Variants in FKBP5 observed in about 807,000 individuals in gnomAD.
The protein encoded by FKBP5 is peptidyl-prolyl cis-trans isomerase FKBP5.
A neutral mutation model predicts 50.5 loss-of-function variants in FKBP5; 23 were observed. That is an observed-to-expected ratio of 0.46 (90% CI 0.33 to 0.65). The LOEUF (loss-of-function observed/expected upper bound fraction) is 0.65. Among genes scored for constraint, FKBP5 ranks in the 30% least tolerant of loss-of-function variants. The pLI, the probability that FKBP5 is intolerant of heterozygous loss-of-function variation, is 0.02. For synonymous variants in FKBP5, 176 were observed against 190.6 expected (o/e 0.92, Z 0.63); for missense variants, 411 against 553.1 (o/e 0.74, Z 2.58).
chr6:35,597,476 G>T, intron 5 of FKBP5, 72 bp from the exon 6 acceptor site: 1 of 1,508,336 alleles, frequency 6.6e-7, no homozygotes, highest in Non-Finnish European at 8.9e-7. Context: ...AGTGATAAAT[G>T]AGTGGTCGAC....
At chr6:35,637,408 C>T (rs1300520894) in intron 2 of FKBP5, among the ~76,000 whole-genome samples, 2 of 151,570 alleles carry the variant, frequency 1.3e-5, no homozygotes, top group Non-Finnish European at 2.9e-5. Context: ...AAGAATTAAC[C>T]AATAAATCCT....
At chr6:35,642,880 T>A in intron 1 of FKBP5, 37 bp from the exon 2 acceptor site, 6 of 1,470,548 alleles carry the variant, frequency 4.1e-6, no homozygotes, top group South Asian at 2.3e-5. Context: ...GGGAAAAATA[T>A]CACTTCTTTA....
At chr6:35,663,693 A>G (rs2151000619) in intron 1 of FKBP5, among the ~76,000 whole-genome samples, 1 of 152,312 alleles carries the variant, frequency 6.6e-6, no homozygotes, top group South Asian at 2.1e-4. Flanking sequence ...TTCCCTGGTT[A>G]GCTGCATAGC....
At chr6:35,579,677 G>A (rs1286323863) in intron 9 of FKBP5, among the ~76,000 whole-genome samples, 2 of 152,144 alleles carry the variant, frequency 1.3e-5, no homozygotes. Flanking sequence ...TTAAAGTCCA[G>A]AAAAGCTTAA....
At position 35,597,399 on chromosome 6, in the gene FKBP5, G is replaced by C. The variant is rs1260234091; in HGVS notation, c.514C>G (p.Leu172Val). The part of the protein sequence containing the change: ...PNEGATVEIH[L>V]EGRCGGRMFD... ...ATCCTTCCACCACAGCGGCCTTCCA[G>C]GTGGACTGAGGGCAAGGAGACAGGA... Residue 172 changes from leucine (L) to valine (V), a missense_variant, in exon 6 of 11, where the codon CTG becomes GTG. Leu to Val is a conservative substitution (Grantham distance 32). Coordinates refer to ENST00000357266, the MANE Select transcript of FKBP5 (RefSeq NM_004117.4). 2 of 1,613,430 alleles carry C rather than the reference G, an allele frequency of 1.2e-6. No homozygotes were observed. Among genetic ancestry groups the C allele is most frequent in the Non-Finnish European group, 1.7e-6 (2 of 1,179,812 alleles).
intron 2 of FKBP5, among the ~76,000 whole-genome samples, chr6:35,639,296 T>C (rs557425153): frequency 3.7e-4 from 56 of 152,310 alleles, no homozygotes; most frequent in African/African-American, 1.3e-3. Flanking sequence ...GTTAACTAAA[T>C]TGCCCTAGCT....
In FKBP5 at chr6:35,575,621, G is replaced by T; in HGVS notation, c.*214C>A. ...CTCCACACCACAGTCATTTCTGTTT[G>T]TTCCACCTGGAGTGGTCCCGTGCCA... On this transcript the variant is annotated 3_prime_UTR_variant, in exon 11 of 11. Transcript: ENST00000357266. 1.9e-6 allele frequency: 1 copy of T among 535,532 alleles called. No individual in the cohort carries two copies. Among genetic ancestry groups the T allele is most frequent in the African/African-American group, 1.9e-5 (1 of 52,862 alleles). 33.2% of individuals were successfully genotyped at this position (535,532 alleles called of 1,614,324 possible). A position where few individuals can be genotyped will look rare whatever the true frequency, so the allele number is the denominator to read the frequency against.
At chr6:35,635,503 A>G (rs1182131207) in intron 3 of FKBP5, among the ~76,000 whole-genome samples, 1 of 152,174 alleles carries the variant, frequency 6.6e-6, no homozygotes, top group Non-Finnish European at 1.5e-5. Flanking sequence ...TTAATACTTG[A>G]AAATAGTAGT....
chr6:35,716,809 C>T (rs1766520599), intron 2 of FKBP5, among the ~76,000 whole-genome samples: 1 of 152,184 alleles, frequency 6.6e-6, no homozygotes, highest in African/African-American at 2.4e-5. Context: ...TTGAAGAGGG[C>T]TAGACTGCCT....
chr6:35,623,566 A>G (rs1034267561), intron 3 of FKBP5, among the ~76,000 whole-genome samples: 3 of 151,264 alleles, frequency 2.0e-5, no homozygotes, highest in Non-Finnish European at 2.9e-5. Flanking sequence ...CGAAATGGCT[A>G]CATCACTTTT....
At chr6:35,726,352 C>G (rs1160368639) in intron 1 of FKBP5, among the ~76,000 whole-genome samples, 1 of 152,172 alleles carries the variant, frequency 6.6e-6, no homozygotes, top group Non-Finnish European at 1.5e-5. Context: ...AAGGCTGCCT[C>G]TATGCTCTGG....
chr6:35,715,107 C>T (rs924719905), intron 2 of FKBP5, among the ~76,000 whole-genome samples: 1 of 152,108 alleles, frequency 6.6e-6, no homozygotes, highest in African/African-American at 2.4e-5. Flanking sequence ...ACCATGTTGG[C>T]CAGGCTGCTC....
chr6:35,576,502 T>G (rs1380443929), intron 10 of FKBP5, among the ~76,000 whole-genome samples: 1 of 152,054 alleles, frequency 6.6e-6, no homozygotes, highest in African/African-American at 2.4e-5. Flanking sequence ...TGAAACCCTA[T>G]CTTTACAAAA....
At chr6:35,632,708 G>C (rs1466812137) in intron 3 of FKBP5, among the ~76,000 whole-genome samples, 1 of 151,822 alleles carries the variant, frequency 6.6e-6, no homozygotes, top group Non-Finnish European at 1.5e-5. Context: ...TGGCCAACAT[G>C]GTGAAAGTCC....
rs1416875282 is a variant in FKBP5 at position 35,658,928 on chromosome 6, T to C, written c.-19-16085A>G. Reference sequence around the variant, plus strand: ...TCTACCAAAAAATACAAAAATTAGCTGAGCATGGTGGCACACACCTGTAGT... The same window carrying C: ...TCTACCAAAAAATACAAAAATTAGCCGAGCATGGTGGCACACACCTGTAGT... On this transcript the variant is annotated intron_variant, in intron 1 of 10. Coordinates refer to ENST00000357266, the MANE Select transcript of FKBP5 (RefSeq NM_004117.4). Among the ~76,000 whole-genome samples the C allele has an allele frequency of 2.5e-5, 2 of 81,338 alleles. 1 individual carries two copies. Among genetic ancestry groups the C allele is most frequent in the Non-Finnish European group, 5.6e-5 (2 of 35,724 alleles). 53.4% of individuals were successfully genotyped at this position (81,338 alleles called of 152,430 possible). A position where few individuals can be genotyped will look rare whatever the true frequency, so the allele number is the denominator to read the frequency against.
At chr6:35,597,958 C>T (rs1561850557) in intron 5 of FKBP5, among the ~76,000 whole-genome samples, 1 of 152,132 alleles carries the variant, frequency 6.6e-6, no homozygotes, top group Non-Finnish European at 1.5e-5. Context: ...ACAACAACAT[C>T]AATAACTATC....
chr6:35,704,864 GGGCGCGGT>G (rs1766252013), intron 2 of FKBP5, among the ~76,000 whole-genome samples: 1 of 151,942 alleles, frequency 6.6e-6, no homozygotes, highest in Non-Finnish European at 1.5e-5. Context: ...TCTGCTGGCC[GGGCGCGGT>G]GGCTCACACC....
rs1424192532 is a variant in FKBP5, at chr6:35,658,681, T to TAGTAG, written c.-19-15839_-19-15838insCTACT. Among the ~76,000 whole-genome samples the TAGTAG allele has an allele frequency of 4.8e-4, 10 of 20,698 alleles. 2 individuals are homozygous for TAGTAG. The highest frequency in any genetic ancestry group is 3.4e-3 in the South Asian group (2 of 590). The allele number at this position is 20,698 out of a possible 152,430, so 13.6% of individuals were successfully genotyped here. Reference sequence around the variant, plus strand: ...GGTACATGACATTGGTTTTCAAATGTTAAACCAACCTTGGATACCTGGAAT... The same window carrying TAGTAG: ...GGTACATGACATTGGTTTTCAAATGTAGTAGTAAACCAACCTTGGATACCTGGAAT... On this transcript the variant is annotated intron_variant, in intron 1 of 10. Transcript: ENST00000357266.
chr6:35,587,698 A>T (rs983677694), intron 7 of FKBP5, among the ~76,000 whole-genome samples: 1 of 152,240 alleles, frequency 6.6e-6, no homozygotes, highest in Admixed American at 6.5e-5. Flanking sequence ...AGTAAAGCTC[A>T]TGCAAAAATA....
Sources: allele counts gnomAD v4.1 joint callset (sites outside exome capture counted in the v4.1 genomes callset), GRCh38; gene constraint gnomAD v4.1.1; transcripts MANE v1.5; gene names NCBI Gene and HGNC (gene_info 2026-07-23, HGNC 2026-07-21).